The following GCKR variants were observed in gnomAD, a reference collection of about 807,000 sequenced individuals.
GCKR encodes glucokinase regulatory protein.
Under a neutral mutation model 82.9 loss-of-function variants are expected in GCKR, and 73 were observed. That is an observed-to-expected ratio of 0.88 (90% CI 0.73 to 1.07). The LOEUF is 1.07. Ranked by LOEUF, GCKR falls within the 50% of genes least tolerant of loss-of-function variation. GCKR has a pLI of 0.00. For missense variants in GCKR, 784 were observed against 782.1 expected, an observed-to-expected ratio of 1.00 and a Z score of -0.03; for synonymous variants, 294 against 291.8, an observed-to-expected ratio of 1.01 and a Z score of -0.08.
chr2:27,523,478 C>G lies in GCKR; in HGVS notation c.*39C>G. ...GGTGGGTGAAAGGGGCCCAACCCTGCCCACTTCAGCCCAGCCCGCCCAAGG... is the reference window on the plus strand; with the variant it reads ...GGTGGGTGAAAGGGGCCCAACCCTGGCCACTTCAGCCCAGCCCGCCCAAGG... On this transcript the variant is annotated 3_prime_UTR_variant, in exon 19 of 19. Transcript: ENST00000264717. 1 of 1,584,718 alleles carries G rather than the reference C, an allele frequency of 6.3e-7. No homozygotes were observed. The highest frequency in any genetic ancestry group is 2.2e-5 in the East Asian group (1 of 44,766).
At chr2:27,501,604 A>AAGT (rs1669580215) in intron 8 of GCKR, 1 of 401,698 alleles carries the variant, frequency 2.5e-6, no homozygotes, top group Non-Finnish European at 5.1e-6. Context: ...CACCTTTTCA[A>AAGT]AGTAGTAGTA....
Sources: gnomAD v4.1 joint callset for allele counts on GRCh38, gnomAD v4.1.1 for gene constraint, MANE v1.5 for transcripts, NCBI Gene and HGNC (gene_info 2026-07-23, HGNC 2026-07-21) for gene names.